The following ANXA11 variants were observed in gnomAD, a reference collection of about 807,000 sequenced individuals.
ANXA11 encodes the protein 56 kDa autoantigen.
In ANXA11, 57 loss-of-function variants were observed where a neutral mutation model predicts 64.7. The ratio of observed to expected loss-of-function variants is 0.88; its 90% CI spans 0.71 to 1.10. The LOEUF (loss-of-function observed/expected upper bound fraction) is 1.10. Ranked by LOEUF, ANXA11 falls within the 50% of genes least tolerant of loss-of-function variation. The pLI, the probability that ANXA11 is intolerant of heterozygous loss-of-function variation, is 0.00. For synonymous variants in ANXA11, 260 were observed against 265.2 expected, an observed-to-expected ratio of 0.98 and a Z score of 0.19; for missense variants, 675 against 670.7, an observed-to-expected ratio of 1.01 and a Z score of -0.07.
Position 80,153,338 on chromosome 10 carries a change from A to G in ANXA11, c.*2515T>C, listed in dbSNP as rs1845188796. 1 of 152,234 alleles carries G rather than the reference A, an allele frequency of 6.6e-6. No homozygotes were observed. The highest frequency in any genetic ancestry group is 1.5e-5 in the Non-Finnish European group (1 of 68,026). The allele number at this position is 152,234 out of a possible 1,614,324, so 9.4% of individuals were successfully genotyped here. A position where few individuals can be genotyped will look rare whatever the true frequency, so the allele number is the denominator to read the frequency against. On this transcript the variant is annotated 3_prime_UTR_variant, in exon 16 of 16. Coordinates refer to ENST00000422982, the MANE Select transcript of ANXA11 (RefSeq NM_145868.2). ...TTTTCAAGAGAAGCCAGAATTCCAGATTTTTAAAAATATGAAATCTCTCAA... is the reference window on the plus strand; with the variant it reads ...TTTTCAAGAGAAGCCAGAATTCCAGGTTTTTAAAAATATGAAATCTCTCAA...
chr10:80,179,932 C>CG (rs1439741241), intron 1 of ANXA11, among the ~76,000 whole-genome samples: 3 of 152,174 alleles, frequency 2.0e-5, no homozygotes, highest in Admixed American at 2.0e-4. Flanking sequence ...AACATGGTGC[C>CG]ATCCCTATTA....
Position 80,159,080 on chromosome 10 carries a change from G to T in ANXA11, c.1276+20C>A. 1 of 1,603,688 alleles carries T rather than the reference G, an allele frequency of 6.2e-7. No homozygotes were observed. The highest frequency in any genetic ancestry group is 1.1e-5 in the South Asian group (1 of 90,876). On this transcript the variant is annotated intron_variant, in intron 13 of 15. Transcript: ENST00000422982. ...ACACGTTAGCCCCTGGCAGGTGGGC[G>T]GCAAACCTGAGACACTTACCCACGG...
chr10:80,154,260 C>G lies in ANXA11; in HGVS notation c.*1593G>C, dbSNP rs2132348985. 1.3e-5 allele frequency: 2 copies of G among 152,280 alleles called. No homozygotes were observed. Among genetic ancestry groups the G allele is most frequent in the Middle Eastern group, 6.8e-3 (2 of 294 alleles). 9.4% of individuals were successfully genotyped at this position (152,280 alleles called of 1,614,324 possible). Reference sequence around the variant, plus strand: ...GGGATTACAGGAATGTGCCACCATGCCTGGCTAATTTTTGTATTTTTAGTA... The same window carrying G: ...GGGATTACAGGAATGTGCCACCATGGCTGGCTAATTTTTGTATTTTTAGTA... On this transcript the variant is annotated 3_prime_UTR_variant, in exon 16 of 16. Transcript: ENST00000422982.
At chr10:80,167,484 C>G (rs1310395994) in intron 5 of ANXA11, among the ~76,000 whole-genome samples, 171 bp from the exon 6 acceptor site, 1 of 152,206 alleles carries the variant, frequency 6.6e-6, no homozygotes, top group Non-Finnish European at 1.5e-5. Context: ...CCTAACTTGA[C>G]TGTTATCTGG....
intron 1 of ANXA11, among the ~76,000 whole-genome samples, chr10:80,185,749 T>A (rs1221542111): frequency 6.6e-6 from 1 of 152,224 alleles, no homozygotes; most frequent in African/African-American, 2.4e-5. Context: ...CTGTGTAACT[T>A]GCTCAAGGTT....
At chr10:80,202,939 G>A (rs553852174) in intron 1 of ANXA11, among the ~76,000 whole-genome samples, 4 of 151,782 alleles carry the variant, frequency 2.6e-5, no homozygotes, top group Non-Finnish European at 2.9e-5. Flanking sequence ...CCAGCTACTC[G>A]GGAGGCCAAG....
rs150935845 is a variant in ANXA11 at position 80,166,147 on chromosome 10, T to G, written c.795A>C (p.Thr265=). ...KSELSGNFEK[T]ILALMKTPVL... ...CTGGGGTCTTCATCAGAGCCAAGAT[T>G]GTCTTCTCAAAGTTTCCTGACAGTT... is the stretch of plus-strand genomic sequence containing the variant. Residue 265 remains threonine (T), a synonymous_variant, in exon 8 of 16, where the codon ACA becomes ACC. Transcript: ENST00000422982. The G allele has an allele frequency of 1.2e-6, 2 of 1,613,578 alleles. No homozygotes were observed. The highest frequency in any genetic ancestry group is 4.5e-5 in the East Asian group (2 of 44,888).
chr10:80,201,651 G>T (rs1840427214), intron 1 of ANXA11, among the ~76,000 whole-genome samples: 2 of 152,126 alleles, frequency 1.3e-5, no homozygotes, highest in African/African-American at 2.4e-5. Flanking sequence ...GCCAACAGTG[G>T]GTTCTCAGTA....
At chr10:80,163,112 C>G (rs566370773) in intron 11 of ANXA11, among the ~76,000 whole-genome samples, 8 of 152,162 alleles carry the variant, frequency 5.3e-5, no homozygotes, top group African/African-American at 1.9e-4. Flanking sequence ...TATCAACTAT[C>G]GAAATACTAA....
At chr10:80,171,471 G>T in intron 3 of ANXA11, 1 of 431,266 alleles carries the variant, frequency 2.3e-6, no homozygotes. Flanking sequence ...AAACAGAGGT[G>T]AAAAGCCCGC....
chr10:80,163,008 G>A lies in ANXA11; in HGVS notation c.1086+341C>T, dbSNP rs114637323. Among the ~76,000 whole-genome samples the A allele has an allele frequency of 8.8e-3, 1,337 of 152,250 alleles. 20 individuals carry two copies. Among genetic ancestry groups the A allele is most frequent in the African/African-American group, 0.031 (1,273 of 41,532 alleles). On this transcript the variant is annotated intron_variant, in intron 11 of 15. Transcript: ENST00000422982. The stretch of plus-strand genomic sequence containing the variant: ...ATCCTCAAAAACTTAATAAGCAAGT[G>A]CAAATTTTGCCCCTTTGCAAACATA...
At chr10:80,191,838 G>A (rs926694955) in intron 1 of ANXA11, among the ~76,000 whole-genome samples, 2 of 152,184 alleles carry the variant, frequency 1.3e-5, no homozygotes, top group African/African-American at 4.8e-5. Flanking sequence ...GATGCCAGAG[G>A]CCAGCTCAGC....
intron 5 of ANXA11, among the ~76,000 whole-genome samples, chr10:80,167,569 G>C (rs1269384876): frequency 2.0e-5 from 3 of 152,188 alleles, no homozygotes; most frequent in Admixed American, 6.5e-5. Context: ...TCCTGATGCT[G>C]AAAATCTGCC....
intron 1 of ANXA11, among the ~76,000 whole-genome samples, chr10:80,187,547 A>ACG (rs1384600319): frequency 7.4e-6 from 1 of 134,600 alleles, no homozygotes; most frequent in Non-Finnish European, 1.6e-5. Context: ...GCGCGCGTGC[A>ACG]CACACACACA....
At chr10:80,161,354 CGGTGGA>C (rs2132375798) in intron 12 of ANXA11, among the ~76,000 whole-genome samples, 1 of 152,358 alleles carries the variant, frequency 6.6e-6, no homozygotes, top group Admixed American at 6.5e-5. Context: ...AAGCACCTCC[CGGTGGA>C]CCCTACCATC....
rs560552241 is a variant in ANXA11, at chr10:80,166,021, C to T, written c.858+63G>A. 5.1e-5 allele frequency: 52 copies of T among 1,022,954 alleles called. 1 individual carries two copies. The highest frequency in any genetic ancestry group is 1.8e-4 in the South Asian group (13 of 70,430). 63.4% of individuals were successfully genotyped at this position (1,022,954 alleles called of 1,614,324 possible). On this transcript the variant is annotated intron_variant, in intron 8 of 15. Transcript: ENST00000422982. ...TCTGGGCTGTGTGTCCACACGCATG[C>T]GCGCGTGCGCACACACGCGCGCACA...
In ANXA11 at chr10:80,172,347, C is replaced by A. The variant is rs11201967; in HGVS notation, c.55+460G>T. 1.6e-3 allele frequency among the ~76,000 whole-genome samples: 238 copies of A among 152,280 alleles called. 1 individual carries two copies. The highest frequency in any genetic ancestry group is 5.4e-3 in the African/African-American group (223 of 41,558). On this transcript the variant is annotated intron_variant, in intron 3 of 15. Transcript: ENST00000422982. The stretch of plus-strand genomic sequence containing the variant: ...GGGATCTTGTTGCTGCAAACCCACA[C>A]ACCTTGAGCAGAGGGTAGGAGAGGT...
chr10:80,190,072 T>C (rs1218952937), intron 1 of ANXA11, among the ~76,000 whole-genome samples: 1 of 152,216 alleles, frequency 6.6e-6, no homozygotes, highest in African/African-American at 2.4e-5. Flanking sequence ...GTCAAATTCC[T>C]AAGGACAGAA....
chr10:80,205,760 G>A (rs1055580419), upstream of ANXA11, among the ~76,000 whole-genome samples: 3 of 152,202 alleles, frequency 2.0e-5, no homozygotes, highest in Non-Finnish European at 4.4e-5. Context: ...CCCTCCTGCA[G>A]GGGTGGGCAT....
Sources: allele counts gnomAD v4.1 joint callset (sites outside exome capture counted in the v4.1 genomes callset), GRCh38; gene constraint gnomAD v4.1.1; transcripts MANE v1.5; gene names NCBI Gene and HGNC (gene_info 2026-07-23, HGNC 2026-07-21).